CHRM5: variants seen among roughly 807,000 people sequenced by gnomAD.
CHRM5 encodes cholinergic receptor muscarinic 5.
In CHRM5, 18 loss-of-function variants were observed where a neutral mutation model predicts 39.0. The ratio of observed to expected loss-of-function variants is 0.46; its 90% CI spans 0.32 to 0.68. CHRM5 has a LOEUF of 0.68. CHRM5 is among the 30% of genes least tolerant of loss of function. The pLI, the probability that CHRM5 is intolerant of heterozygous loss-of-function variation, is 0.04. For synonymous variants in CHRM5, 241 were observed against 246.3 expected (o/e 0.98, Z 0.20); for missense variants, 515 against 651.1 (o/e 0.79, Z 2.28).
intron 2 of CHRM5, among the ~76,000 whole-genome samples, chr15:34,052,677 T>C (rs900410438): frequency 1.6e-4 from 24 of 152,268 alleles, no homozygotes; most frequent in African/African-American, 5.1e-4. Flanking sequence ...GTGCAAAAAT[T>C]GCTAGCATTC....
At chr15:34,015,277 A>C (rs1897838956) in intron 1 of CHRM5, among the ~76,000 whole-genome samples, 1 of 152,096 alleles carries the variant, frequency 6.6e-6, no homozygotes, top group African/African-American at 2.4e-5. Flanking sequence ...AGGTCAGGAG[A>C]TCGAGACCAT....
intron 1 of CHRM5, among the ~76,000 whole-genome samples, chr15:33,997,634 C>T (rs1896990425): frequency 6.6e-6 from 1 of 152,130 alleles, no homozygotes; most frequent in African/African-American, 2.4e-5. Context: ...TCCTTCTGCC[C>T]TGAAAAAATC....
chr15:34,057,129 TTG>T (rs1491538825), intron 2 of CHRM5, among the ~76,000 whole-genome samples: 3 of 50,610 alleles, frequency 5.9e-5, no homozygotes, highest in Admixed American at 2.1e-4. Context: ...GAGAAGAGTT[TTG>T]GTTTTTTTTG....
At chr15:34,024,289 T>C (rs1050297730) in intron 1 of CHRM5, among the ~76,000 whole-genome samples, 2 of 151,980 alleles carry the variant, frequency 1.3e-5, no homozygotes, top group African/African-American at 2.4e-5. Context: ...TCACTTCAGG[T>C]AGTGATAAAT....
intron 2 of CHRM5, among the ~76,000 whole-genome samples, chr15:34,050,124 G>A (rs1899881961): frequency 2.0e-5 from 3 of 152,038 alleles, no homozygotes; most frequent in Admixed American, 2.0e-4. Flanking sequence ...CTGACCTCAG[G>A]TGATCCACCC....
At chr15:33,990,304 C>T (rs1318263090) in intron 1 of CHRM5, among the ~76,000 whole-genome samples, 2 of 152,026 alleles carry the variant, frequency 1.3e-5, no homozygotes, top group Non-Finnish European at 2.9e-5. Flanking sequence ...ATCGCTAGAA[C>T]CTGGGAGGCA....
chr15:34,041,068 C>A (rs1597382073), intron 1 of CHRM5, among the ~76,000 whole-genome samples: 1 of 152,042 alleles, frequency 6.6e-6, no homozygotes, highest in East Asian at 1.9e-4. Flanking sequence ...GACATTTGCA[C>A]AAATCGGAGT....
chr15:33,998,766 T>C (rs1487598280), intron 1 of CHRM5, among the ~76,000 whole-genome samples: 1 of 152,160 alleles, frequency 6.6e-6, no homozygotes, highest in Non-Finnish European at 1.5e-5. Context: ...GACACTACAC[T>C]CTCTGGTTCT....
intron 1 of CHRM5, among the ~76,000 whole-genome samples, chr15:33,986,534 C>T (rs1272847839): frequency 6.6e-6 from 1 of 152,118 alleles, no homozygotes; most frequent in African/African-American, 2.4e-5. Context: ...GTAAAGAAAG[C>T]AAGCTTTCTG....
intron 1 of CHRM5, among the ~76,000 whole-genome samples, chr15:34,011,996 G>A (rs1225706194): frequency 1.3e-5 from 2 of 152,094 alleles, no homozygotes; most frequent in East Asian, 3.8e-4. Flanking sequence ...AAAGGAAGGG[G>A]GAAATGGCAA....
chr15:34,057,303 A>ATTT (rs59628367), intron 2 of CHRM5, among the ~76,000 whole-genome samples: 91,113 of 147,080 alleles, frequency 0.62, 30,102 homozygotes, highest in South Asian at 0.77. Flanking sequence ...CGCCCAGCTA[A>ATTT]TTTTTTTTTT....
chr15:33,974,363 G>C (rs1371677972), intron 1 of CHRM5, among the ~76,000 whole-genome samples: 1 of 152,096 alleles, frequency 6.6e-6, no homozygotes, highest in African/African-American at 2.4e-5. Context: ...TCTCTGTGAG[G>C]AATGAATCTT....
At position 33,968,793 on chromosome 15, in the gene CHRM5, C is replaced by G. The variant is rs550937616; in HGVS notation, c.-765C>G. 1 of 151,980 alleles carries G rather than the reference C, an allele frequency of 6.6e-6. No individual in the cohort carries two copies. The highest frequency in any genetic ancestry group is 2.4e-5 in the African/African-American group (1 of 41,380). 9.4% of individuals were successfully genotyped at this position (151,980 alleles called of 1,614,324 possible). A position where few individuals can be genotyped will look rare whatever the true frequency, so the allele number is the denominator to read the frequency against. On this transcript the variant is annotated 5_prime_UTR_variant, in exon 1 of 3. Coordinates refer to ENST00000383263, the MANE Select transcript of CHRM5 (RefSeq NM_012125.4). ...GAAATACGAACAAGCAGAACTTTTC[C>G]AGGGGGTCAAATGCATATAGGAACA...
rs3027963 is a variant in CHRM5 at position 34,058,555 on chromosome 15, A to AACACACACACAC, written c.-75-4060_-75-4049dup. On this transcript the variant is annotated intron_variant, in intron 2 of 2. Coordinates refer to ENST00000383263, the MANE Select transcript of CHRM5 (RefSeq NM_012125.4). Reference sequence around the variant, plus strand: ...AGGAAGTTCTCTCTGCTTTAATTCTAACACACACACACACACACACACACA... The same window carrying AACACACACACAC: ...AGGAAGTTCTCTCTGCTTTAATTCTAACACACACACACACACACACACACACACACACACACA... 2.3e-3 allele frequency among the ~76,000 whole-genome samples: 325 copies of AACACACACACAC among 143,264 alleles called. 4 individuals are homozygous for AACACACACACAC. The highest frequency in any genetic ancestry group is 8.7e-3 in the East Asian group (41 of 4,726). 94.0% of individuals were successfully genotyped at this position (143,264 alleles called of 152,430 possible). A position where few individuals can be genotyped will look rare whatever the true frequency, so the allele number is the denominator to read the frequency against.
intron 2 of CHRM5, among the ~76,000 whole-genome samples, chr15:34,047,913 T>G (rs1241037880): frequency 6.6e-6 from 1 of 151,952 alleles, no homozygotes; most frequent in African/African-American, 2.4e-5. Flanking sequence ...CCACACCAGA[T>G]CCCAGAAATA....
intron 1 of CHRM5, chr15:34,003,212 G>T: frequency 1.2e-6 from 2 of 1,612,348 alleles, no homozygotes; most frequent in South Asian, 2.2e-5. Flanking sequence ...TCTTCAACCT[G>T]CAATCATTAG....
chr15:34,053,319 A>AATATATATATATATATATATAT (rs71119922), intron 2 of CHRM5, among the ~76,000 whole-genome samples: 9 of 42,064 alleles, frequency 2.1e-4, no homozygotes, highest in Admixed American at 7.5e-4. Flanking sequence ...AAAAAAAAAA[A>AATATATATATATATATATATAT]ATATATATAT....
intron 1 of CHRM5, among the ~76,000 whole-genome samples, chr15:34,003,470 A>G (rs1186763236): frequency 6.6e-6 from 1 of 152,206 alleles, no homozygotes; most frequent in Non-Finnish European, 1.5e-5. Flanking sequence ...ATTTATCCCT[A>G]TGTATCCTAT....
At chr15:34,030,954 A>G (rs1029215388) in intron 1 of CHRM5, among the ~76,000 whole-genome samples, 2 of 152,032 alleles carry the variant, frequency 1.3e-5, no homozygotes, top group African/African-American at 4.8e-5. Context: ...GTAACTGTGA[A>G]TGGTCTTTTC....
Sources: gnomAD v4.1 joint callset for allele counts (sites outside exome capture counted in the v4.1 genomes callset) on GRCh38, gnomAD v4.1.1 for gene constraint, MANE v1.5 for transcripts, NCBI Gene and HGNC (gene_info 2026-07-23, HGNC 2026-07-21) for gene names.